PHF21A: variants seen among roughly 807,000 people sequenced by gnomAD.
The protein encoded by PHF21A is BHC80a.
In PHF21A, 11 loss-of-function variants were observed where a neutral mutation model predicts 82.5. That is an observed-to-expected ratio of 0.13 (90% CI 0.08 to 0.22). The LOEUF (loss-of-function observed/expected upper bound fraction) is 0.22, where lower values mean the gene tolerates loss of function less well. PHF21A is among the 10% of genes least tolerant of loss of function. The probability of loss-of-function intolerance (pLI) is 1.00; values close to 1 mark genes in which losing one functional copy is unlikely to be tolerated. For missense variants in PHF21A, 579 were observed against 837.8 expected, an observed-to-expected ratio of 0.69 and a Z score of 3.81; for synonymous variants, 297 against 302.8, an observed-to-expected ratio of 0.98 and a Z score of 0.20.
At chr11:45,958,449 TACACACACACACACAC>T (rs60775450) in intron 10 of PHF21A, among the ~76,000 whole-genome samples, 1 of 15,080 alleles carries the variant, frequency 6.6e-5, no homozygotes, top group African/African-American at 1.9e-4. Flanking sequence ...TATATATATA[TACACACACACACACAC>T]ACACATATAT....
intron 4 of PHF21A, among the ~76,000 whole-genome samples, chr11:46,082,699 ATAAT>A: frequency 6.6e-6 from 1 of 152,322 alleles, no homozygotes; most frequent in Admixed American, 6.5e-5. Flanking sequence ...TTAAAATAGA[ATAAT>A]AAATATTAAG....
At chr11:46,083,222 T>C (rs931561211) in intron 4 of PHF21A, among the ~76,000 whole-genome samples, 47 of 150,872 alleles carry the variant, frequency 3.1e-4, no homozygotes, top group African/African-American at 1.1e-3. Flanking sequence ...CCCACGTGCA[T>C]AGGGCCAACT....
intron 10 of PHF21A, among the ~76,000 whole-genome samples, chr11:45,961,555 C>T (rs2093075519): frequency 6.6e-6 from 1 of 152,074 alleles, no homozygotes; most frequent in Non-Finnish European, 1.5e-5. Flanking sequence ...TGTGCAGATT[C>T]CTATGAAAAA....
chr11:46,076,261 C>A (rs773515169), intron 6 of PHF21A, among the ~76,000 whole-genome samples: 2 of 152,104 alleles, frequency 1.3e-5, no homozygotes, highest in African/African-American at 4.8e-5. Flanking sequence ...AGTTTTTTCA[C>A]GTAATAGTAG....
chr11:45,946,476 C>T (rs1307503107), intron 14 of PHF21A, among the ~76,000 whole-genome samples: 6 of 152,256 alleles, frequency 3.9e-5, no homozygotes, highest in African/African-American at 9.6e-5. Context: ...CTCCGCCTCC[C>T]GGGTTCAAGC....
Position 45,965,296 on chromosome 11 carries a change from G to A in PHF21A, c.996+19C>T. 1 of 1,610,992 alleles carries A rather than the reference G, an allele frequency of 6.2e-7. No homozygotes were observed. Among genetic ancestry groups the A allele is most frequent in the Non-Finnish European group, 8.5e-7 (1 of 1,178,172 alleles). On this transcript the variant is annotated intron_variant, in intron 10 of 18. Coordinates refer to ENST00000676320, the MANE Select transcript of PHF21A (RefSeq NM_001352027.3). The stretch of plus-strand genomic sequence containing the variant: ...ACGACAAGGCTACTGCCCAGAGCAG[G>A]TACATACTCTGCCTGTACCTGTTTT...
chr11:45,962,139 C>T (rs759991160), intron 10 of PHF21A, among the ~76,000 whole-genome samples: 1 of 152,152 alleles, frequency 6.6e-6, no homozygotes. Context: ...CGTGAGGGTA[C>T]GGGCTTTAGT....
At chr11:45,961,520 G>T (rs1161593259) in intron 10 of PHF21A, among the ~76,000 whole-genome samples, 2 of 152,178 alleles carry the variant, frequency 1.3e-5, no homozygotes, top group Non-Finnish European at 2.9e-5. Context: ...TTATTATCTT[G>T]TAAGTACTTC....
At chr11:46,097,398 C>T (rs1451064053) in intron 1 of PHF21A, among the ~76,000 whole-genome samples, 5 of 152,176 alleles carry the variant, frequency 3.3e-5, no homozygotes, top group African/African-American at 4.8e-5. Flanking sequence ...GCCTCTTTTC[C>T]GTACTTCAGA....
At chr11:45,955,331 T>C (rs1565237861) in intron 10 of PHF21A, among the ~76,000 whole-genome samples, 1 of 152,044 alleles carries the variant, frequency 6.6e-6, no homozygotes, top group Non-Finnish European at 1.5e-5. Context: ...AAAGGACACA[T>C]TTCCTCCATA....
intron 10 of PHF21A, among the ~76,000 whole-genome samples, chr11:45,960,522 T>A (rs2093008350): frequency 6.6e-6 from 1 of 152,212 alleles, no homozygotes; most frequent in South Asian, 2.1e-4. Context: ...GACTGGTGAT[T>A]GCCAGCGGCA....
intron 1 of PHF21A, among the ~76,000 whole-genome samples, chr11:46,106,349 A>T (rs965559814): frequency 6.6e-6 from 1 of 152,212 alleles, no homozygotes; most frequent in Admixed American, 6.5e-5. Flanking sequence ...ACTCTCTAAC[A>T]GCAATAATTA....
chr11:46,061,373 G>A (rs2096533012), intron 6 of PHF21A, among the ~76,000 whole-genome samples: 1 of 152,152 alleles, frequency 6.6e-6, no homozygotes. Flanking sequence ...AATAGGAATA[G>A]CATTGAATCT....
intron 6 of PHF21A, among the ~76,000 whole-genome samples, chr11:46,030,832 T>C (rs909377505): frequency 1.7e-4 from 10 of 58,504 alleles, no homozygotes; most frequent in African/African-American, 8.6e-4. Flanking sequence ...TGTGTGTGCG[T>C]GTGTGTGTGT....
At chr11:46,069,132 C>G (rs1423180308) in intron 6 of PHF21A, among the ~76,000 whole-genome samples, 1 of 152,210 alleles carries the variant, frequency 6.6e-6, no homozygotes, top group Admixed American at 6.5e-5. Context: ...AACTTTCATA[C>G]TTGCAGCCAG....
intron 4 of PHF21A, among the ~76,000 whole-genome samples, chr11:46,083,026 G>A (rs1043736746): frequency 2.6e-5 from 4 of 152,162 alleles, no homozygotes; most frequent in African/African-American, 9.7e-5. Context: ...TGAATAAAAT[G>A]TGAATTTAAT....
At chr11:46,088,903 C>G (rs1445005018) in intron 3 of PHF21A, among the ~76,000 whole-genome samples, 1 of 152,030 alleles carries the variant, frequency 6.6e-6, no homozygotes, top group Non-Finnish European at 1.5e-5. Flanking sequence ...CATTACGATT[C>G]TAATAACTCG....
intron 6 of PHF21A, among the ~76,000 whole-genome samples, chr11:46,056,073 T>G (rs1373084407): frequency 6.6e-6 from 1 of 152,148 alleles, no homozygotes; most frequent in African/African-American, 2.4e-5. Flanking sequence ...TGTAACCTGT[T>G]TTTTTTAAAT....
At chr11:46,003,341 C>G (rs570360276) in intron 6 of PHF21A, among the ~76,000 whole-genome samples, 1 of 151,614 alleles carries the variant, frequency 6.6e-6, no homozygotes, top group Non-Finnish European at 1.5e-5. Flanking sequence ...CTAGTCATCA[C>G]TCAGACTCTC....
Sources: gnomAD v4.1 joint callset for allele counts (sites outside exome capture counted in the v4.1 genomes callset) on GRCh38, gnomAD v4.1.1 for gene constraint, MANE v1.5 for transcripts, NCBI Gene and HGNC (gene_info 2026-07-23, HGNC 2026-07-21) for gene names.